ZDHHC14: variants seen among roughly 807,000 people sequenced by gnomAD.
The protein encoded by ZDHHC14 is zDHHC palmitoyltransferase 14.
In ZDHHC14, 16 loss-of-function variants were observed where a neutral mutation model predicts 47.7. That is an observed-to-expected ratio of 0.34 (90% confidence interval 0.23 to 0.51). The LOEUF is 0.51. Ranked by LOEUF, ZDHHC14 falls within the 20% of genes least tolerant of loss-of-function variation. ZDHHC14 has a pLI of 0.97. For synonymous variants in ZDHHC14, 293 were observed against 278.9 expected (o/e 1.05, Z -0.50); for missense variants, 515 against 662.5 (o/e 0.78, Z 2.44).
rs191857071 is a variant in ZDHHC14 at position 157,503,787 on chromosome 6, A to G, written c.246-38798A>G. ...ACAGTGACATGCTTTTTACTCCCAC[A>G]AAGTTGGCAAAAATTAAGAAGTCTG... is the stretch of plus-strand genomic sequence containing the variant. On this transcript the variant is annotated intron_variant, in intron 1 of 8. Coordinates refer to ENST00000359775, the MANE Select transcript of ZDHHC14 (RefSeq NM_024630.3). Among the ~76,000 whole-genome samples the G allele has an allele frequency of 2.3e-3, 353 of 152,330 alleles. 4 individuals carry two copies. Among genetic ancestry groups the G allele is most frequent in the Non-Finnish European group, 9.8e-4 (67 of 68,030 alleles).
intron 1 of ZDHHC14, among the ~76,000 whole-genome samples, chr6:157,465,258 A>G (rs1245799915): frequency 2.0e-5 from 3 of 152,116 alleles, no homozygotes; most frequent in African/African-American, 4.8e-5. Context: ...GTTTCAGATT[A>G]TACTTAACTT....
intron 1 of ZDHHC14, among the ~76,000 whole-genome samples, chr6:157,459,374 T>C (rs1779010263): frequency 1.3e-5 from 2 of 152,068 alleles, no homozygotes; most frequent in African/African-American, 2.4e-5. Context: ...ATGTTTTCCA[T>C]AGGGTGAGGA....
chr6:157,569,256 A>T (rs1783015038), intron 2 of ZDHHC14, among the ~76,000 whole-genome samples: 1 of 152,022 alleles, frequency 6.6e-6, no homozygotes, highest in South Asian at 2.1e-4. Flanking sequence ...TAGTTCTTAC[A>T]TATTATAATT....
chr6:157,599,287 G>A (rs146580148), intron 3 of ZDHHC14, among the ~76,000 whole-genome samples: 7 of 152,328 alleles, frequency 4.6e-5, no homozygotes, highest in East Asian at 1.9e-4. Context: ...AGCCCCGCAC[G>A]GCCAGTTGCA....
chr6:157,496,223 A>G (rs949470307), intron 1 of ZDHHC14, among the ~76,000 whole-genome samples: 1 of 152,028 alleles, frequency 6.6e-6, no homozygotes, highest in Non-Finnish European at 1.5e-5. Flanking sequence ...TGGTTCTGAG[A>G]TGGGAGGTCG....
At chr6:157,573,684 C>T (rs576885538) in intron 2 of ZDHHC14, among the ~76,000 whole-genome samples, 6 of 152,322 alleles carry the variant, frequency 3.9e-5, no homozygotes, top group South Asian at 2.1e-4. Flanking sequence ...TCTTTGTGCA[C>T]GTGGTCCAAG....
At chr6:157,422,340 T>C (rs1447593952) in intron 1 of ZDHHC14, among the ~76,000 whole-genome samples, 1 of 152,156 alleles carries the variant, frequency 6.6e-6, no homozygotes, top group Non-Finnish European at 1.5e-5. Flanking sequence ...CTCTGCCAGA[T>C]GTTTCCCATA....
At chr6:157,625,387 G>A (rs1203048690) in intron 3 of ZDHHC14, among the ~76,000 whole-genome samples, 1 of 152,136 alleles carries the variant, frequency 6.6e-6, no homozygotes, top group Non-Finnish European at 1.5e-5. Flanking sequence ...AAGTCTGAGG[G>A]CCAGTCAGGC....
intron 3 of ZDHHC14, among the ~76,000 whole-genome samples, chr6:157,625,434 G>GC: frequency 6.6e-6 from 1 of 152,112 alleles, no homozygotes. Context: ...GTGAGAGGCC[G>GC]CCGTTTTGGA....
chr6:157,467,515 TTTTATTTATTTATTTATTTATTTA>T (rs139585882), intron 1 of ZDHHC14, among the ~76,000 whole-genome samples: 6 of 136,334 alleles, frequency 4.4e-5, no homozygotes, highest in Admixed American at 2.2e-4. Context: ...TCATTCCTCA[TTTTATTTATTTATTTATTTATTTA>T]TTTATTTATT....
chr6:157,534,731 G>A (rs1370486323), intron 1 of ZDHHC14, among the ~76,000 whole-genome samples: 2 of 152,000 alleles, frequency 1.3e-5, no homozygotes, highest in African/African-American at 4.8e-5. Context: ...TGGGACTACA[G>A]TCACACACTA....
At chr6:157,571,221 G>C (rs1357322815) in intron 2 of ZDHHC14, among the ~76,000 whole-genome samples, 1 of 152,196 alleles carries the variant, frequency 6.6e-6, no homozygotes, top group African/African-American at 2.4e-5. Context: ...ATGTGCACGA[G>C]AGCATTCCTT....
chr6:157,521,401 C>T (rs970515217), intron 1 of ZDHHC14, among the ~76,000 whole-genome samples: 2 of 152,188 alleles, frequency 1.3e-5, no homozygotes, highest in African/African-American at 2.4e-5. Flanking sequence ...TCTGTTCAGG[C>T]ATCTATTACA....
chr6:157,664,712 G>A (rs1221687504), intron 8 of ZDHHC14, among the ~76,000 whole-genome samples: 3 of 152,168 alleles, frequency 2.0e-5, no homozygotes, highest in Non-Finnish European at 2.9e-5. Context: ...TGTGTTGGAG[G>A]TGTTCATGAC....
In ZDHHC14 at chr6:157,642,041, G is replaced by A. The variant is rs573189831; in HGVS notation, c.753-3696G>A. ...TATTTTGAAGATAGATAGATAGATA[G>A]ATAGATAGATAGATAGATAGATAGA... On this transcript the variant is annotated intron_variant, in intron 5 of 8. Coordinates refer to ENST00000359775, the MANE Select transcript of ZDHHC14 (RefSeq NM_024630.3). 6.7e-5 allele frequency among the ~76,000 whole-genome samples: 10 copies of A among 149,782 alleles called. No homozygotes were observed. In the East Asian group the frequency reaches 1.9e-3, roughly 28 times the overall value.
At chr6:157,466,033 TTCTGTCTCAAAGAAAAAAAAAAG>T (rs1779207231) in intron 1 of ZDHHC14, among the ~76,000 whole-genome samples, 1 of 151,736 alleles carries the variant, frequency 6.6e-6, no homozygotes, top group South Asian at 2.1e-4. Flanking sequence ...CAGAGTGAGA[TTCTGTCTCAAAGAAAAAAAAAAG>T]AGAGAGAGAG....
Position 157,458,849 on chromosome 6 carries a change from A to ATTTTTTTTTTTTTTTTTTTT in ZDHHC14, c.245+76586_245+76605dup, listed in dbSNP as rs750975822. ...TACAGGTACTAGCAAATGTGGGTGG[A>ATTTTTTTTTTTTTTTTTTTT]TTTTTTTTTTTTTTTTTTTTTTGAG... On this transcript the variant is annotated intron_variant, in intron 1 of 8. Transcript: ENST00000359775. Among the ~76,000 whole-genome samples, 359 of 81,184 alleles carry ATTTTTTTTTTTTTTTTTTTT rather than the reference A, an allele frequency of 4.4e-3. 63 individuals are homozygous for ATTTTTTTTTTTTTTTTTTTT. The highest frequency in any genetic ancestry group is 0.01 in the East Asian group (22 of 2,176). The allele number at this position is 81,184 out of a possible 152,430, so 53.3% of individuals were successfully genotyped here.
chr6:157,575,720 T>G (rs1327041068), intron 2 of ZDHHC14, among the ~76,000 whole-genome samples: 3 of 152,254 alleles, frequency 2.0e-5, no homozygotes, highest in African/African-American at 7.2e-5. Context: ...TCTCCTGCTC[T>G]CTAACTAAAA....
chr6:157,447,955 T>G (rs918245838), intron 1 of ZDHHC14, among the ~76,000 whole-genome samples: 4 of 152,172 alleles, frequency 2.6e-5, no homozygotes, highest in African/African-American at 9.7e-5. Context: ...CACTGCAGCC[T>G]CAAACTCCTA....
Sources: gnomAD v4.1 joint callset for allele counts (sites outside exome capture counted in the v4.1 genomes callset) on GRCh38, gnomAD v4.1.1 for gene constraint, MANE v1.5 for transcripts, NCBI Gene and HGNC (gene_info 2026-07-23, HGNC 2026-07-21) for gene names.